The following NRP2 variants were observed in gnomAD, a reference collection of about 807,000 sequenced individuals.
The protein encoded by NRP2 is neuropilin 2, also known as neuropilin-2.
A neutral mutation model predicts 110.4 loss-of-function variants in NRP2; 52 were observed. That is an observed-to-expected ratio of 0.47 (90% CI 0.38 to 0.59). The LOEUF (loss-of-function observed/expected upper bound fraction) is 0.59. Among genes scored for constraint, NRP2 ranks in the 20% least tolerant of loss-of-function variants. NRP2 has a pLI of 0.00. For missense variants in NRP2, 1,049 were observed against 1,203.0 expected (o/e 0.87, Z 1.89); for synonymous variants, 508 against 468.9 (o/e 1.08, Z -1.08).
rs374633594 is a variant in NRP2 at position 205,794,836 on chromosome 2, G to C, written c.2559G>C (p.Trp853Cys). Residue 853 changes from tryptophan (W) to cysteine (C), a missense_variant, in exon 17 of 17, where the codon TGG (tryptophan) becomes TGC (cysteine). Coordinates refer to ENST00000357785, the MANE Select transcript of NRP2 (RefSeq NM_003872.3). Reference protein sequence around the residue: ...GAPSTDKEKSWLYTLDPILIT... With the variant: ...GAPSTDKEKSCLYTLDPILIT... ...CCTCGACCGACAAAGAAAAGAGCTG[G>C]CTGTACACCCTGGATCCCATCCTCA... The C allele has an allele frequency of 2.5e-6, 4 of 1,614,030 alleles. No individual in the cohort carries two copies. The highest frequency in any genetic ancestry group is 3.4e-6 in the Non-Finnish European group (4 of 1,180,034).
rs1342999997 is a variant in NRP2, at chr2:205,723,864, C to A, written c.744C>A (p.Thr248=). 1.2e-6 allele frequency: 2 copies of A among 1,614,104 alleles called. No homozygotes were observed. The highest frequency in any genetic ancestry group is 1.7e-6 in the Non-Finnish European group (2 of 1,180,042). ...CATCGACGGGGATCCTCTCCCTGAC[C>A]TTTCACACGGACATGGCGGTGGCCA... ...LRSSTGILSL[T]FHTDMAVAKD... The change falls in exon 5 of 17, where the codon ACC becomes ACA. Residue 248 remains threonine, a synonymous_variant. Coordinates refer to ENST00000357785, the MANE Select transcript of NRP2 (RefSeq NM_003872.3).
At chr2:205,786,269 G>T (rs2058234920) in intron 15 of NRP2, among the ~76,000 whole-genome samples, 1 of 152,146 alleles carries the variant, frequency 6.6e-6, no homozygotes, top group African/African-American at 2.4e-5. Context: ...TTAGTCCTTT[G>T]TTATTTATCT....
chr2:205,745,691 G>T, intron 9 of NRP2, 55 bp from the exon 10 acceptor site: 1 of 1,609,996 alleles, frequency 6.2e-7, no homozygotes, highest in Non-Finnish European at 8.5e-7. Flanking sequence ...AAGGGAAGAA[G>T]GTGATAGGGA....
chr2:205,767,569 T>A, intron 15 of NRP2: 1 of 298,126 alleles, frequency 3.4e-6, no homozygotes, highest in Non-Finnish European at 6.7e-6. Flanking sequence ...GCTTGCCTCA[T>A]CCAGGTTATA....
At chr2:205,743,897 C>T (rs540505265) in intron 9 of NRP2, among the ~76,000 whole-genome samples, 2 of 152,276 alleles carry the variant, frequency 1.3e-5, no homozygotes, top group Admixed American at 1.3e-4. Context: ...GTGCCCGCCA[C>T]CACACCTAGC....
chr2:205,709,361 A>G (rs1048844268), intron 2 of NRP2, among the ~76,000 whole-genome samples: 2 of 152,078 alleles, frequency 1.3e-5, no homozygotes, highest in Non-Finnish European at 2.9e-5. Context: ...GTTTTGTTTT[A>G]TGCTGGTAAT....
chr2:205,690,447 A>T (rs865385), intron 1 of NRP2, among the ~76,000 whole-genome samples: 149,521 of 151,860 alleles, frequency 0.98, 73,654 homozygotes, highest in Middle Eastern at 1. Context: ...AGTATTAAAA[A>T]TAAAATGGCC....
At position 205,763,747 on chromosome 2, in the gene NRP2, T is replaced by A. The variant is rs142118414; in HGVS notation, c.2118T>A (p.Pro706=). The change falls in exon 13 of 17, where the codon CCT becomes CCA. Residue 706 remains proline (P), a synonymous_variant. Coordinates refer to ENST00000357785, the MANE Select transcript of NRP2 (RefSeq NM_003872.3). This position sits in a 1 kb window ranked among gnomAD's most constrained non-coding sequence, Gnocchi z 4.0. The part of the protein sequence containing the change: ...EGQYARLISP[P]VHLPRSPVCM... Reference sequence around the variant, plus strand: ...AGTATGCCCGGCTCATCAGCCCCCCTGTCCACCTGCCCCGAAGCCCGGTGT... The same window carrying A: ...AGTATGCCCGGCTCATCAGCCCCCCAGTCCACCTGCCCCGAAGCCCGGTGT... 77 of 1,614,074 alleles carry A rather than the reference T, an allele frequency of 4.8e-5. 1 individual carries two copies. The highest frequency in any genetic ancestry group is 5.9e-5 in the Non-Finnish European group (70 of 1,180,034).
rs1559326187 is a variant in NRP2, at chr2:205,722,165, T to TACACA, written c.434-313_434-312insACACA. On this transcript the variant is annotated intron_variant, in intron 3 of 16. Transcript: ENST00000357785. ...GAATCCCTCTCTCTCTCTCTCTCTC[T>TACACA]CTCTCATACACACACACACACACAC... is the stretch of plus-strand genomic sequence containing the variant. 1.1e-3 allele frequency: 377 copies of TACACA among 337,568 alleles called. 4 individuals are homozygous for TACACA. Among genetic ancestry groups the TACACA allele is most frequent in the African/African-American group, 8.3e-3 (355 of 42,982 alleles). 20.9% of individuals were successfully genotyped at this position (337,568 alleles called of 1,614,324 possible). A position where few individuals can be genotyped will look rare whatever the true frequency, so the allele number is the denominator to read the frequency against.
At chr2:205,717,335 G>A (rs1017290695) in intron 3 of NRP2, among the ~76,000 whole-genome samples, 1 of 152,194 alleles carries the variant, frequency 6.6e-6, no homozygotes, top group Non-Finnish European at 1.5e-5. Context: ...TGGTTCGAGG[G>A]GAGGTTGTCA....
chr2:205,775,444 CT>C (rs1311713777), intron 15 of NRP2, among the ~76,000 whole-genome samples: 2 of 152,138 alleles, frequency 1.3e-5, no homozygotes, highest in African/African-American at 4.8e-5. Context: ...AATGATTTCC[CT>C]CCCTCTCTCT....
chr2:205,749,307 A>C (rs2057598081), intron 10 of NRP2, among the ~76,000 whole-genome samples: 1 of 152,220 alleles, frequency 6.6e-6, no homozygotes, highest in Non-Finnish European at 1.5e-5. Flanking sequence ...ACATAGCCCC[A>C]AATCACTTTC....
At chr2:205,752,092 T>C (rs777969694) in intron 11 of NRP2, among the ~76,000 whole-genome samples, 6 of 152,126 alleles carry the variant, frequency 3.9e-5, no homozygotes, top group Admixed American at 6.5e-5. Context: ...TGGATTCCCA[T>C]AGGGAAAGCA....
At chr2:205,703,002 G>A (rs976210034) in intron 2 of NRP2, among the ~76,000 whole-genome samples, 6 of 152,188 alleles carry the variant, frequency 3.9e-5, no homozygotes, top group African/African-American at 1.4e-4. Flanking sequence ...GTCATCTTGA[G>A]TTCTCAGCAA....
At chr2:205,749,490 G>C (rs893921534) in intron 10 of NRP2, among the ~76,000 whole-genome samples, 3 of 152,146 alleles carry the variant, frequency 2.0e-5, no homozygotes, top group African/African-American at 4.8e-5. Flanking sequence ...GTGGAGTAAA[G>C]AATGTGGGTT....
Position 205,794,864 on chromosome 2 carries a change from A to G in NRP2, c.2587A>G (p.Thr863Ala). The G allele has an allele frequency of 6.2e-7, 1 of 1,614,058 alleles. No homozygotes were observed. Among genetic ancestry groups the G allele is most frequent in the Admixed American group, 1.7e-5 (1 of 60,026 alleles). Reference sequence around the variant, plus strand: ...GTACACCCTGGATCCCATCCTCATCACCATCATCGCCATGAGCTCACTGGG... The same window carrying G: ...GTACACCCTGGATCCCATCCTCATCGCCATCATCGCCATGAGCTCACTGGG... ...WLYTLDPILI[T>A]IIAMSSLGVL... The change falls in exon 17 of 17, where the codon ACC becomes GCC. Residue 863 changes from threonine to alanine, a missense_variant. Coordinates refer to ENST00000357785, the MANE Select transcript of NRP2 (RefSeq NM_003872.3).
At chr2:205,789,533 C>T (rs1291037135) in intron 15 of NRP2, among the ~76,000 whole-genome samples, 1 of 152,236 alleles carries the variant, frequency 6.6e-6, no homozygotes, top group Non-Finnish European at 1.5e-5. Flanking sequence ...CTCCCACTCT[C>T]TCCTGATGTC....
Position 205,725,856 on chromosome 2 carries a change from G to T in NRP2, c.821-57G>T. ...CCTAGAAGGGAGGCAGCATTTGGGGGATCCCGAGGTATGAGGTTGGAAGGC... is the reference window on the plus strand; with the variant it reads ...CCTAGAAGGGAGGCAGCATTTGGGGTATCCCGAGGTATGAGGTTGGAAGGC... On this transcript the variant is annotated intron_variant, in intron 5 of 16. Coordinates refer to ENST00000357785, the MANE Select transcript of NRP2 (RefSeq NM_003872.3). The surrounding 1 kb of genome is among the most constrained non-coding windows in gnomAD (Gnocchi z 4.1). 4 of 1,589,904 alleles carry T rather than the reference G, an allele frequency of 2.5e-6. No individual in the cohort carries two copies. Among genetic ancestry groups the T allele is most frequent in the South Asian group, 2.2e-5 (2 of 90,438 alleles).
chr2:205,745,850 G>C lies in NRP2; in HGVS notation c.1746G>C (p.Gly582=). The stretch of plus-strand genomic sequence containing the variant: ...ACCCGGAGAGGTGGTCGCCGGCGGG[G>C]ATTGGGATGCGGCTGGAGGTGCTGG... The part of the protein sequence containing the change: ...RVYPERWSPA[G]IGMRLEVLGC... Residue 582 remains glycine, a synonymous_variant, in exon 10 of 17, where the codon GGG becomes GGC. Coordinates refer to ENST00000357785, the MANE Select transcript of NRP2 (RefSeq NM_003872.3). 1 of 1,614,214 alleles carries C rather than the reference G, an allele frequency of 6.2e-7. No homozygotes were observed. The highest frequency in any genetic ancestry group is 8.5e-7 in the Non-Finnish European group (1 of 1,180,028).
Sources: allele counts gnomAD v4.1 joint callset (sites outside exome capture counted in the v4.1 genomes callset), GRCh38; gene constraint gnomAD v4.1.1; non-coding constraint Gnocchi (gnomAD v3.1); transcripts MANE v1.5; gene names NCBI Gene and HGNC (gene_info 2026-07-23, HGNC 2026-07-21).